Variants in ZEB2 observed in about 807,000 individuals in gnomAD.
ZEB2 encodes the protein zinc finger E-box binding homeobox 2, also known as zinc finger E-box-binding homeobox 2.
Under a neutral mutation model 99.9 loss-of-function variants are expected in ZEB2, and 6 were observed. The observed-to-expected ratio is 0.06, with a 90% CI of 0.03 to 0.12. ZEB2 has a LOEUF of 0.12. Among genes scored for constraint, ZEB2 ranks in the 10% least tolerant of loss-of-function variants. The probability of loss-of-function intolerance (pLI) is 1.00; values close to 1 mark genes in which losing one functional copy is unlikely to be tolerated. For synonymous variants in ZEB2, 517 were observed against 542.5 expected (o/e 0.95, Z 0.65); for missense variants, 969 against 1,502.8 (o/e 0.64, Z 5.87).
At chr2:144,408,643 T>C (rs547305598) in intron 4 of ZEB2, among the ~76,000 whole-genome samples, 6 of 152,280 alleles carry the variant, frequency 3.9e-5, no homozygotes, top group African/African-American at 1.4e-4. Context: ...TGAGGTGCAA[T>C]AGGTGCTAGT....
intron 2 of ZEB2, chr2:144,513,879 G>T: frequency 6.6e-7 from 1 of 1,520,920 alleles, no homozygotes; most frequent in Non-Finnish European, 8.8e-7. Context: ...GTCAGTGAAA[G>T]TGTTACAAAG....
In ZEB2 at chr2:144,396,517, G is replaced by C; in HGVS notation, c.2962C>G (p.Arg988Gly). The C allele has an allele frequency of 2.5e-6, 4 of 1,614,008 alleles. No homozygotes were observed. The highest frequency in any genetic ancestry group is 2.5e-6 in the Non-Finnish European group (3 of 1,179,990). ...DMTDSDSCLS[R>G]KKIKKTESGM... The stretch of plus-strand genomic sequence containing the variant: ...CTCTCTGTCTTCTTGATCTTTTTGC[G>C]AGACAGACAGGAGTCGGAGTCTGTC... The change falls in exon 9 of 10, where the codon CGC becomes GGC. Residue 988 changes from arginine to glycine, a missense_variant. Arg to Gly is a moderately radical substitution (Grantham distance 125). Coordinates refer to ENST00000627532, the MANE Select transcript of ZEB2 (RefSeq NM_014795.4).
chr2:144,501,075 G>T (rs1349713792), intron 2 of ZEB2, among the ~76,000 whole-genome samples: 1 of 151,688 alleles, frequency 6.6e-6, no homozygotes. Context: ...GAAATTGGAT[G>T]GGGGGGTAGC....
intron 1 of ZEB2, chr2:144,518,412 G>A (rs556320653): frequency 6.6e-6 from 1 of 152,296 alleles, no homozygotes; most frequent in East Asian, 1.9e-4. Context: ...AGGTTGGGAA[G>A]ATGCTGTGCC....
At chr2:144,467,424 C>T (rs1479027744) in intron 2 of ZEB2, among the ~76,000 whole-genome samples, 3 of 151,914 alleles carry the variant, frequency 2.0e-5, no homozygotes, top group Non-Finnish European at 2.9e-5. Context: ...TTTTTGGAGG[C>T]GGATAGTGGG....
intron 2 of ZEB2, among the ~76,000 whole-genome samples, chr2:144,486,871 A>G (rs1253754786): frequency 4.6e-5 from 7 of 152,178 alleles, no homozygotes; most frequent in African/African-American, 1.4e-4. Context: ...ACAAAAATAA[A>G]GTCAATTCTT....
chr2:144,502,473 T>C (rs1002672366), intron 2 of ZEB2, among the ~76,000 whole-genome samples: 1 of 152,192 alleles, frequency 6.6e-6, no homozygotes, highest in Non-Finnish European at 1.5e-5. Flanking sequence ...ATAAAGTACC[T>C]GATCCCAGGC....
intron 9 of ZEB2, among the ~76,000 whole-genome samples, chr2:144,393,916 G>A (rs1054111805): frequency 7.9e-5 from 12 of 152,078 alleles, no homozygotes; most frequent in Admixed American, 3.9e-4. Flanking sequence ...AAGTTTGTTT[G>A]TTTATTTATT....
Position 144,389,880 on chromosome 2 carries a change from C to T in ZEB2, c.3216G>A (p.Gln1072=). Residue 1072 remains glutamine (Q), a synonymous_variant, in exon 10 of 10, where the codon CAG becomes CAA. Transcript: ENST00000627532. This position sits in a 1 kb window ranked among gnomAD's most constrained non-coding sequence, Gnocchi z 6.8. ...KRFSHSGSYS[Q]HMNHRYSYCK... is the part of the protein sequence containing the mutation. ...AGTAGGAATACCTGTGATTCATGTG[C>T]TGCGAGTACGAGCCCGAGTGTGAGA... 4.3e-6 allele frequency: 7 copies of T among 1,613,762 alleles called. No homozygotes were observed. Among genetic ancestry groups the T allele is most frequent in the Non-Finnish European group, 5.9e-6 (7 of 1,180,050 alleles).
intron 2 of ZEB2, among the ~76,000 whole-genome samples, chr2:144,487,924 A>G (rs918464737): frequency 6.6e-6 from 1 of 152,214 alleles, no homozygotes; most frequent in Non-Finnish European, 1.5e-5. Context: ...TTTCACTGTG[A>G]GCCTTACATG....
intron 2 of ZEB2, chr2:144,512,362 G>A (rs773775200): frequency 1.0e-5 from 13 of 1,287,182 alleles, no homozygotes; most frequent in South Asian, 6.2e-5. Flanking sequence ...TAGAATAAAC[G>A]CGGCACTGCT....
rs137996014 is a variant in ZEB2 at position 144,511,744 on chromosome 2, C to T, written c.73+5534G>A. 190 of 1,285,196 alleles carry T rather than the reference C, an allele frequency of 1.5e-4. 2 individuals carry two copies. The East Asian group carries it at 8.5e-3, about 57-fold the overall frequency. 79.6% of individuals were successfully genotyped at this position (1,285,196 alleles called of 1,614,324 possible). On this transcript the variant is annotated intron_variant, in intron 2 of 9. Coordinates refer to ENST00000627532, the MANE Select transcript of ZEB2 (RefSeq NM_014795.4). ...GAGGAGGTGCCTGGATGTTTCAAGG[C>T]TTAAAAATGAAAAGGAAAATTACAT...
At chr2:144,505,881 C>T (rs1176685901) in intron 2 of ZEB2, among the ~76,000 whole-genome samples, 1 of 152,190 alleles carries the variant, frequency 6.6e-6, no homozygotes, top group Non-Finnish European at 1.5e-5. Context: ...AAATCTCCCC[C>T]ACCCTTTTTT....
In ZEB2 at chr2:144,399,085, G is replaced by A; in HGVS notation, c.2102C>T (p.Ser701Leu). Residue 701 changes from serine to leucine, a missense_variant, in exon 8 of 10, where the codon TCA becomes TTA. Ser to Leu is a moderately radical substitution (Grantham distance 145). Transcript: ENST00000627532. This position sits in a 1 kb window ranked among gnomAD's most constrained non-coding sequence, Gnocchi z 5.6. ...WFEQRKVYQY[S>L]NSRSPSLERS... ...TTCCAGGGATGGGGACCTGGAATTT[G>A]AGTACTGGTAGACTTTTCGTTGTTC... 2 of 1,614,132 alleles carry A rather than the reference G, an allele frequency of 1.2e-6. No homozygotes were observed. Among genetic ancestry groups the A allele is most frequent in the Non-Finnish European group, 1.7e-6 (2 of 1,180,020 alleles).
chr2:144,438,697 T>G (rs1703868598), intron 2 of ZEB2, among the ~76,000 whole-genome samples: 1 of 152,188 alleles, frequency 6.6e-6, no homozygotes, highest in African/African-American at 2.4e-5. Flanking sequence ...AGTTTTAAGC[T>G]ACATCTAATA....
chr2:144,421,128 A>G (rs745939151), intron 4 of ZEB2, among the ~76,000 whole-genome samples: 3 of 152,160 alleles, frequency 2.0e-5, no homozygotes, highest in Non-Finnish European at 4.4e-5. Context: ...TTAACCTGAA[A>G]ATACAAAAGG....
At chr2:144,464,075 C>G (rs1445532267) in intron 2 of ZEB2, 1 of 152,054 alleles carries the variant, frequency 6.6e-6, no homozygotes, top group Non-Finnish European at 1.5e-5. Flanking sequence ...CCTTGTAGCT[C>G]GATAAATGGC....
intron 2 of ZEB2, among the ~76,000 whole-genome samples, chr2:144,499,269 T>C (rs1032691188): frequency 1.3e-5 from 2 of 152,226 alleles, no homozygotes; most frequent in African/African-American, 4.8e-5. Flanking sequence ...TATTAAAATA[T>C]TTTAAATTCA....
intron 2 of ZEB2, among the ~76,000 whole-genome samples, chr2:144,485,003 AC>A (rs1368223871): frequency 1.3e-5 from 2 of 152,152 alleles, no homozygotes; most frequent in African/African-American, 2.4e-5. Flanking sequence ...GGCAATTATA[AC>A]CTGGCCCTTC....
Sources: gnomAD v4.1 joint callset for allele counts (sites outside exome capture counted in the v4.1 genomes callset) on GRCh38, gnomAD v4.1.1 for gene constraint, Gnocchi (gnomAD v3.1) non-coding constraint, MANE v1.5 for transcripts, NCBI Gene and HGNC (gene_info 2026-07-23, HGNC 2026-07-21) for gene names.